The following PXN variants were observed in gnomAD, a reference collection of about 807,000 sequenced individuals.
PXN encodes the protein paxillin.
In PXN, 61 loss-of-function variants were observed where a neutral mutation model predicts 103.6. The ratio of observed to expected loss-of-function variants is 0.59; its 90% CI spans 0.48 to 0.73. PXN has a LOEUF of 0.73. Among genes scored for constraint, PXN ranks in the 30% least tolerant of loss-of-function variants. The pLI, the probability that PXN is intolerant of heterozygous loss-of-function variation, is 0.00. For synonymous variants in PXN, 562 were observed against 607.8 expected, an observed-to-expected ratio of 0.92 and a Z score of 1.11; for missense variants, 1,274 against 1,460.3, an observed-to-expected ratio of 0.87 and a Z score of 2.08.
In PXN at chr12:120,212,193, G is replaced by A. The variant is rs770644352; in HGVS notation, c.*121C>T. The A allele has an allele frequency of 6.1e-5, 85 of 1,392,290 alleles. No individual in the cohort carries two copies. The highest frequency in any genetic ancestry group is 2.7e-4 in the Admixed American group (13 of 48,220). 86.2% of individuals were successfully genotyped at this position (1,392,290 alleles called of 1,614,324 possible). ...GGCCCTCTGTCCATCCCGCACCAGC[G>A]GAGGACAAGGGTTCCAGTTTCAGTC... On this transcript the variant is annotated 3_prime_UTR_variant, in exon 15 of 15. Transcript: ENST00000637617. The surrounding 1 kb of genome is among the most constrained non-coding windows in gnomAD (Gnocchi z 7.2).
chr12:120,237,126 C>CGTGTGTGTGT (rs147625061), intron 1 of PXN, among the ~76,000 whole-genome samples: 28 of 142,424 alleles, frequency 2.0e-4, no homozygotes, highest in African/African-American at 7.2e-4. Context: ...TATGTATGTA[C>CGTGTGTGTGT]GTGTGTGTGT....
In PXN at chr12:120,224,689, G is replaced by A. The variant is rs752017559; in HGVS notation, c.14-312C>T. ...CACTGCGTTCCCTCCTGACAGGGCC[G>A]CGCAGCCGCGAGTGAAGTGCCTGTC... is the stretch of plus-strand genomic sequence containing the variant. On this transcript the variant is annotated intron_variant, in intron 1 of 14. Coordinates refer to ENST00000637617, the MANE Select transcript of PXN (RefSeq NM_001385981.1). The surrounding 1 kb of genome is among the most constrained non-coding windows in gnomAD (Gnocchi z 5.0). The A allele has an allele frequency of 3.0e-5, 18 of 608,604 alleles. No individual in the cohort carries two copies. The highest frequency in any genetic ancestry group is 4.6e-5 in the Non-Finnish European group (15 of 325,462). 37.7% of individuals were successfully genotyped at this position (608,604 alleles called of 1,614,324 possible).
chr12:120,214,324 C>T lies in PXN; in HGVS notation c.2749-107G>A. The T allele has an allele frequency of 1.1e-6, 1 of 918,350 alleles. No homozygotes were observed. The highest frequency in any genetic ancestry group is 1.5e-5 in the South Asian group (1 of 68,650). 56.9% of individuals were successfully genotyped at this position (918,350 alleles called of 1,614,324 possible). On this transcript the variant is annotated intron_variant, in intron 12 of 14. Coordinates refer to ENST00000637617, the MANE Select transcript of PXN (RefSeq NM_001385981.1). This position sits in a 1 kb window ranked among gnomAD's most constrained non-coding sequence, Gnocchi z 5.0. ...CCGCAGCTCATAGCCATAGACAGAG[C>T]AAAACACTCCCAAGATGGGGGTCTC... is the stretch of plus-strand genomic sequence containing the variant.
At chr12:120,246,223 C>A (rs1891086777) in intron 1 of PXN, among the ~76,000 whole-genome samples, 1 of 149,874 alleles carries the variant, frequency 6.7e-6, no homozygotes, top group Non-Finnish European at 1.5e-5. Context: ...TCCGTCTCTA[C>A]AAAAATAAAA....
At chr12:120,226,078 T>C in intron 1 of PXN, 1 of 1,096,552 alleles carries the variant, frequency 9.1e-7, no homozygotes, top group Non-Finnish European at 1.1e-6. Context: ...CTAGAGGGAG[T>C]TGGTAGGTAT....
At chr12:120,258,077 T>C (rs1158154362) in intron 1 of PXN, among the ~76,000 whole-genome samples, 2 of 151,610 alleles carry the variant, frequency 1.3e-5, no homozygotes, top group Non-Finnish European at 1.5e-5. Context: ...CCCATAATCC[T>C]AGCTACTGCG....
In PXN at chr12:120,213,696, T is replaced by G; in HGVS notation, c.2979+146A>C. 1 of 1,180,456 alleles carries G rather than the reference T, an allele frequency of 8.5e-7. No homozygotes were observed. The highest frequency in any genetic ancestry group is 2.6e-5 in the East Asian group (1 of 39,018). 73.1% of individuals were successfully genotyped at this position (1,180,456 alleles called of 1,614,324 possible). A position where few individuals can be genotyped will look rare whatever the true frequency, so the allele number is the denominator to read the frequency against. On this transcript the variant is annotated intron_variant, in intron 14 of 14. Transcript: ENST00000637617. The surrounding 1 kb of genome is among the most constrained non-coding windows in gnomAD (Gnocchi z 4.2). ...AACCCTGGCCCAGGACCTACTGGACTGGAGGAAGGAGATCCCCTGCCTGCT... is the reference window on the plus strand; with the variant it reads ...AACCCTGGCCCAGGACCTACTGGACGGGAGGAAGGAGATCCCCTGCCTGCT...
chr12:120,232,005 C>G (rs1566408611), intron 1 of PXN, among the ~76,000 whole-genome samples: 1 of 152,264 alleles, frequency 6.6e-6, no homozygotes, highest in Non-Finnish European at 1.5e-5. Context: ...TCAGGCCAGG[C>G]TGGCCAAACA....
chr12:120,226,229 C>A, intron 1 of PXN: 1 of 1,270,588 alleles, frequency 7.9e-7, no homozygotes, highest in Non-Finnish European at 1.0e-6. Flanking sequence ...CTTTCTCCAC[C>A]ATGGGCAGGG....
chr12:120,247,944 T>C (rs1634814), intron 1 of PXN, among the ~76,000 whole-genome samples: 40,762 of 152,028 alleles, frequency 0.27, 7,924 homozygotes, highest in East Asian at 0.56. Context: ...GATGAGTCAA[T>C]TCATCATGAA....
At chr12:120,238,125 G>A (rs1889444651) in intron 1 of PXN, among the ~76,000 whole-genome samples, 1 of 152,162 alleles carries the variant, frequency 6.6e-6, no homozygotes, top group Admixed American at 6.5e-5. Flanking sequence ...GTCACGCTGG[G>A]AAACCACAAT....
chr12:120,233,866 A>C (rs1312838884), intron 1 of PXN, among the ~76,000 whole-genome samples: 1 of 152,000 alleles, frequency 6.6e-6, no homozygotes. Context: ...CACAATACTG[A>C]ATGTGTCCCA....
chr12:120,216,236 CAG>C lies in PXN; in HGVS notation c.2301+35_2301+36del, dbSNP rs767412217. The C allele has an allele frequency of 2.9e-3, 3,731 of 1,271,344 alleles. 12 individuals are homozygous for C. Among genetic ancestry groups the C allele is most frequent in the Non-Finnish European group, 3.4e-3 (3,451 of 1,012,564 alleles). 78.8% of individuals were successfully genotyped at this position (1,271,344 alleles called of 1,614,324 possible). A position where few individuals can be genotyped will look rare whatever the true frequency, so the allele number is the denominator to read the frequency against. On this transcript the variant is annotated intron_variant, in intron 9 of 14. Coordinates refer to ENST00000637617, the MANE Select transcript of PXN (RefSeq NM_001385981.1). The surrounding 1 kb of genome is among the most constrained non-coding windows in gnomAD (Gnocchi z 5.1). Reference sequence around the variant, plus strand: ...GTGGGGGATGGCTCAGGCATTAGGACAGGGGACAGAAAGGGAGGGGCTCCTTT... The same window carrying C: ...GTGGGGGATGGCTCAGGCATTAGGACGGGACAGAAAGGGAGGGGCTCCTTT...
intron 3 of PXN, 49 bp downstream of exon 3, chr12:120,223,669 G>A: frequency 7.0e-7 from 1 of 1,428,258 alleles, no homozygotes; most frequent in South Asian, 1.2e-5. Flanking sequence ...CCAGGTCCCT[G>A]AGATTTCTAA....
At chr12:120,246,854 TAAA>T (rs869044889) in intron 1 of PXN, among the ~76,000 whole-genome samples, 2 of 128,702 alleles carry the variant, frequency 1.6e-5, no homozygotes, top group Non-Finnish European at 1.7e-5. Context: ...GAATCTGTCT[TAAA>T]AAAAAAAAAA....
At chr12:120,226,321 C>T in intron 1 of PXN, 1 of 1,289,234 alleles carries the variant, frequency 7.8e-7, no homozygotes, top group South Asian at 1.2e-5. Flanking sequence ...CAGCTGCCAT[C>T]CTTGAAGGCC....
In PXN at chr12:120,215,943, TG is replaced by T. The variant is rs768051358; in HGVS notation, c.2302-283del. On this transcript the variant is annotated intron_variant, in intron 9 of 14. Coordinates refer to ENST00000637617, the MANE Select transcript of PXN (RefSeq NM_001385981.1). This position sits in a 1 kb window ranked among gnomAD's most constrained non-coding sequence, Gnocchi z 4.9. Reference sequence around the variant, plus strand: ...ATGAGGCCTCACCGGGCGCTGGGCCTGGGGGCTGGAAGGGAGGAGACAGGTT... The same window carrying T: ...ATGAGGCCTCACCGGGCGCTGGGCCTGGGGCTGGAAGGGAGGAGACAGGTT... 4 of 1,380,192 alleles carry T rather than the reference TG, an allele frequency of 2.9e-6. No individual in the cohort carries two copies. The highest frequency in any genetic ancestry group is 3.6e-5 in the South Asian group (2 of 54,854). 85.5% of individuals were successfully genotyped at this position (1,380,192 alleles called of 1,614,324 possible). A position where few individuals can be genotyped will look rare whatever the true frequency, so the allele number is the denominator to read the frequency against.
In PXN at chr12:120,212,700, TC is replaced by T; in HGVS notation, c.2980-121del. 8.2e-7 allele frequency: 1 copy of T among 1,221,742 alleles called. No individual in the cohort carries two copies. The highest frequency in any genetic ancestry group is 1.1e-6 in the Non-Finnish European group (1 of 878,680). 75.7% of individuals were successfully genotyped at this position (1,221,742 alleles called of 1,614,324 possible). A position where few individuals can be genotyped will look rare whatever the true frequency, so the allele number is the denominator to read the frequency against. On this transcript the variant is annotated intron_variant, in intron 14 of 14. Coordinates refer to ENST00000637617, the MANE Select transcript of PXN (RefSeq NM_001385981.1). The surrounding 1 kb of genome is among the most constrained non-coding windows in gnomAD (Gnocchi z 7.2). ...GAGTGACTCCTACTTGCTAGGCGTT[TC>T]CCATGTGCCGTGTTGTCCTAAACGC...
chr12:120,215,653 GC>G lies in PXN; in HGVS notation c.2309del (p.Gly770AlafsTer66). ...DPLFPPMQIQ[G>X]LEQRADGERC... ...GCTCCCCATCCGCTCTTTGCTCCAG[GC>G]CCTGGATCTTAGATAGGGGAAGAGA... On this transcript the variant is annotated frameshift_variant, in exon 10 of 15. Transcript: ENST00000637617. LOFTEE classifies it high-confidence loss of function. The surrounding 1 kb of genome is among the most constrained non-coding windows in gnomAD (Gnocchi z 4.9). 2 of 1,607,582 alleles carry G rather than the reference GC, an allele frequency of 1.2e-6. No individual in the cohort carries two copies. The highest frequency in any genetic ancestry group is 2.2e-5 in the South Asian group (2 of 90,388).
Sources: gnomAD v4.1 joint callset for allele counts (sites outside exome capture counted in the v4.1 genomes callset) on GRCh38, gnomAD v4.1.1 for gene constraint, Gnocchi (gnomAD v3.1) non-coding constraint, MANE v1.5 for transcripts, NCBI Gene and HGNC (gene_info 2026-07-23, HGNC 2026-07-21) for gene names.